NAALADL2: variants seen among roughly 807,000 people sequenced by gnomAD.
NAALADL2 encodes N-acetylated alpha-linked acidic dipeptidase like 2.
Under a neutral mutation model 87.2 loss-of-function variants are expected in NAALADL2, and 76 were observed. That is an observed-to-expected ratio of 0.87 (90% confidence interval 0.72 to 1.05). The LOEUF is 1.05. Ranked by LOEUF, NAALADL2 falls within the 50% of genes least tolerant of loss-of-function variation. The pLI is 0.00. For missense variants in NAALADL2, 1,089 were observed against 945.8 expected (o/e 1.15, Z -1.99); for synonymous variants, 354 against 331.0 (o/e 1.07, Z -0.75).
intron 1 of NAALADL2, among the ~76,000 whole-genome samples, chr3:175,070,300 C>T (rs1285702589): frequency 2.0e-5 from 3 of 148,096 alleles, no homozygotes; most frequent in East Asian, 2.1e-4. Context: ...TTTTAGGATT[C>T]GAACATAGAA....
chr3:174,778,434 T>C (rs1715488824), intron 3 of NAALADL2, among the ~76,000 whole-genome samples: 1 of 146,890 alleles, frequency 6.8e-6, no homozygotes, highest in Admixed American at 6.9e-5. Flanking sequence ...CCACAGAGAT[T>C]TACTAGGGCT....
intron 11 of NAALADL2, among the ~76,000 whole-genome samples, chr3:175,654,204 G>T (rs1486211394): frequency 6.6e-6 from 1 of 152,092 alleles, no homozygotes; most frequent in Non-Finnish European, 1.5e-5. Context: ...TTCTGGTGTT[G>T]CTTCTCTTCC....
chr3:175,050,734 T>G (rs1400664991), intron 1 of NAALADL2, among the ~76,000 whole-genome samples: 2 of 152,208 alleles, frequency 1.3e-5, no homozygotes, highest in East Asian at 3.8e-4. Flanking sequence ...ATAGAAATAG[T>G]ATCAATTTAG....
chr3:174,492,116 A>G (rs1718232455), intron 1 of NAALADL2, among the ~76,000 whole-genome samples: 1 of 151,972 alleles, frequency 6.6e-6, no homozygotes, highest in African/African-American at 2.4e-5. Flanking sequence ...TTAAAAATAC[A>G]AAAATTAGCC....
intron 2 of NAALADL2, among the ~76,000 whole-genome samples, chr3:174,614,038 A>G (rs1254035361): frequency 6.6e-6 from 1 of 152,170 alleles, no homozygotes; most frequent in African/African-American, 2.4e-5. Flanking sequence ...ATCCTGCTAT[A>G]GCAGAGCTAG....
intron 9 of NAALADL2, among the ~76,000 whole-genome samples, chr3:175,477,291 A>G (rs1354698933): frequency 6.6e-6 from 1 of 152,174 alleles, no homozygotes; most frequent in Non-Finnish European, 1.5e-5. Context: ...CTACTTTTCT[A>G]AATCTCTTCT....
chr3:174,834,206 C>A (rs1352862216), intron 3 of NAALADL2, among the ~76,000 whole-genome samples: 2 of 148,310 alleles, frequency 1.3e-5, no homozygotes, highest in African/African-American at 5.1e-5. Flanking sequence ...ATGGGGACAA[C>A]TATATAATTA....
chr3:175,258,426 G>A (rs1209957385), intron 4 of NAALADL2, among the ~76,000 whole-genome samples: 1 of 152,050 alleles, frequency 6.6e-6, no homozygotes, highest in African/African-American at 2.4e-5. Flanking sequence ...CCTGTGTGGG[G>A]TGGAGTGGTG....
At chr3:174,618,173 T>C (rs1001943814) in intron 2 of NAALADL2, among the ~76,000 whole-genome samples, 2 of 151,766 alleles carry the variant, frequency 1.3e-5, no homozygotes, top group African/African-American at 2.4e-5. Flanking sequence ...GAAGGGTATA[T>C]ACAAAATGAT....
intron 2 of NAALADL2, among the ~76,000 whole-genome samples, chr3:174,555,125 A>C (rs1223204409): frequency 1.3e-5 from 2 of 152,186 alleles, no homozygotes; most frequent in Non-Finnish European, 2.9e-5. Context: ...GGGAGGACGC[A>C]AATATTCAGA....
At chr3:175,591,353 A>G (rs946080840) in intron 10 of NAALADL2, among the ~76,000 whole-genome samples, 1 of 152,210 alleles carries the variant, frequency 6.6e-6, no homozygotes, top group Non-Finnish European at 1.5e-5. Flanking sequence ...GAAGTTTCCT[A>G]AAAGCATTTG....
At chr3:175,515,392 A>C (rs144507822) in intron 9 of NAALADL2, among the ~76,000 whole-genome samples, 23 of 152,302 alleles carry the variant, frequency 1.5e-4, no homozygotes, top group African/African-American at 5.3e-4. Context: ...GAATACAGCC[A>C]AGAAAGGCAA....
At chr3:174,593,284 A>G (rs1031647468) in intron 2 of NAALADL2, among the ~76,000 whole-genome samples, 1 of 152,176 alleles carries the variant, frequency 6.6e-6, no homozygotes, top group African/African-American at 2.4e-5. Context: ...GTTGAAATGT[A>G]TAACAGAGTA....
At chr3:174,889,504 C>T (rs1730610258) in intron 1 of NAALADL2, among the ~76,000 whole-genome samples, 1 of 152,134 alleles carries the variant, frequency 6.6e-6, no homozygotes, top group Non-Finnish European at 1.5e-5. Context: ...GCTTCACTGT[C>T]TGCCCTGTGT....
At chr3:174,532,540 C>A (rs943428918) in intron 1 of NAALADL2, among the ~76,000 whole-genome samples, 2 of 152,108 alleles carry the variant, frequency 1.3e-5, no homozygotes, top group Non-Finnish European at 2.9e-5. Flanking sequence ...CTATATGGAA[C>A]TCAGAGTACT....
intron 2 of NAALADL2, among the ~76,000 whole-genome samples, chr3:174,618,083 T>C (rs191937029): frequency 8.6e-4 from 130 of 151,920 alleles, no homozygotes; most frequent in African/African-American, 2.9e-3. Context: ...AAAGAGGTTT[T>C]AAATTTTTCT....
intron 8 of NAALADL2, among the ~76,000 whole-genome samples, chr3:175,467,975 AAC>A (rs1387535306): frequency 4.6e-5 from 7 of 152,118 alleles, no homozygotes; most frequent in Non-Finnish European, 7.4e-5. Flanking sequence ...GTAGACCAAA[AAC>A]ACTACATAAT....
intron 11 of NAALADL2, among the ~76,000 whole-genome samples, chr3:175,711,475 TAATC>T (rs1229967584): frequency 1.3e-5 from 2 of 151,914 alleles, no homozygotes; most frequent in Non-Finnish European, 2.9e-5. Context: ...TTATATGTCT[TAATC>T]AGTCTGATTT....
chr3:174,444,971 G>A (rs1474861799), intron 1 of NAALADL2, among the ~76,000 whole-genome samples: 5 of 151,772 alleles, frequency 3.3e-5, no homozygotes, highest in African/African-American at 1.2e-4. Context: ...TTGACAAGAT[G>A]GAGAGAATTG....
Sources: allele counts gnomAD v4.1 joint callset (sites outside exome capture counted in the v4.1 genomes callset), GRCh38; gene constraint gnomAD v4.1.1; transcripts MANE v1.5; gene names NCBI Gene and HGNC (gene_info 2026-07-23, HGNC 2026-07-21).